Variants in NMT1 observed in about 807,000 individuals in gnomAD.
NMT1 encodes the protein glycylpeptide N-tetradecanoyltransferase 1.
Under a neutral mutation model 63.4 loss-of-function variants are expected in NMT1, and 12 were observed. The observed-to-expected ratio is 0.19, with a 90% CI of 0.12 to 0.31. NMT1 has a LOEUF of 0.31. Ranked by LOEUF, NMT1 falls within the 10% of genes least tolerant of loss-of-function variation. The pLI is 1.00. For missense variants in NMT1, 432 were observed against 634.6 expected, an observed-to-expected ratio of 0.68 and a Z score of 3.43; for synonymous variants, 228 against 234.3, an observed-to-expected ratio of 0.97 and a Z score of 0.25.
In NMT1 at chr17:45,106,164, G is replaced by A. The variant is rs577172913; in HGVS notation, c.*525G>A. On this transcript the variant is annotated 3_prime_UTR_variant, in exon 12 of 12. Coordinates refer to ENST00000258960, the MANE Select transcript of NMT1 (RefSeq NM_021079.5). ...CTTATCATGGGGAAAAAGAGGATCTGGAGAACCTCATCCAGCTCCCCTTCT... is the reference window on the plus strand; with the variant it reads ...CTTATCATGGGGAAAAAGAGGATCTAGAGAACCTCATCCAGCTCCCCTTCT... The A allele has an allele frequency of 1.3e-5, 2 of 152,622 alleles. No individual in the cohort carries two copies. The highest frequency in any genetic ancestry group is 3.9e-4 in the East Asian group (2 of 5,170). 9.5% of individuals were successfully genotyped at this position (152,622 alleles called of 1,614,324 possible).
intron 1 of NMT1, among the ~76,000 whole-genome samples, chr17:45,067,906 T>G (rs2053913104): frequency 6.6e-6 from 1 of 152,242 alleles, no homozygotes. Context: ...TTGCTGATTT[T>G]TCACATTGTT....
Position 45,105,082 on chromosome 17 carries a change from A to T in NMT1, c.1470+86A>T. 1.3e-6 allele frequency: 2 copies of T among 1,561,848 alleles called. No individual in the cohort carries two copies. The highest frequency in any genetic ancestry group is 1.7e-6 in the Non-Finnish European group (2 of 1,143,088). ...AAACCGGGCCATGGGTTGAGGAGACAGCCGCAGTCTGGGTCCTTGTTACCT... is the reference window on the plus strand; with the variant it reads ...AAACCGGGCCATGGGTTGAGGAGACTGCCGCAGTCTGGGTCCTTGTTACCT... On this transcript the variant is annotated intron_variant, in intron 11 of 11. Coordinates refer to ENST00000258960, the MANE Select transcript of NMT1 (RefSeq NM_021079.5). The surrounding 1 kb of genome is among the most constrained non-coding windows in gnomAD (Gnocchi z 4.2).
At chr17:45,077,655 G>T (rs1410118087) in intron 1 of NMT1, among the ~76,000 whole-genome samples, 1 of 152,164 alleles carries the variant, frequency 6.6e-6, no homozygotes, top group Admixed American at 6.5e-5. Context: ...CTCCCAAAGT[G>T]CTGAGATTAC....
Position 45,098,477 on chromosome 17 carries a change from G to A in NMT1, c.809G>A (p.Arg270Gln), listed in dbSNP as rs2054140490. 1.9e-6 allele frequency: 3 copies of A among 1,614,196 alleles called. No individual in the cohort carries two copies. The highest frequency in any genetic ancestry group is 1.1e-5 in the South Asian group (1 of 91,084). The change falls in exon 7 of 12, where the codon CGG (arginine) becomes CAG (glutamine). Residue 270 changes from arginine (R) to glutamine (Q), a missense_variant. Arg to Gln is a conservative substitution (Grantham distance 43). Coordinates refer to ENST00000258960, the MANE Select transcript of NMT1 (RefSeq NM_021079.5). ...GTTCTGATCCGAGAGATCACCAGGCGGGTTCACCTGGAGGGCATCTTCCAA... is the reference window on the plus strand; with the variant it reads ...GTTCTGATCCGAGAGATCACCAGGCAGGTTCACCTGGAGGGCATCTTCCAA... ...APVLIREITRRVHLEGIFQAV... is the reference protein window; with the variant it reads ...APVLIREITRQVHLEGIFQAV...
intron 1 of NMT1, among the ~76,000 whole-genome samples, chr17:45,076,632 C>T (rs2053979419): frequency 6.6e-6 from 1 of 151,844 alleles, no homozygotes; most frequent in Admixed American, 6.6e-5. Context: ...TGCTTATAAT[C>T]CCAACTACTT....
chr17:45,061,586 A>T, intron 1 of NMT1, 126 bp downstream of exon 1: 1 of 815,798 alleles, frequency 1.2e-6, no homozygotes, highest in Non-Finnish European at 1.9e-6. Flanking sequence ...AGTCACTAGG[A>T]TTCTGCCTGG....
At chr17:45,089,874 G>A (rs2054077178) in intron 3 of NMT1, among the ~76,000 whole-genome samples, 2 of 151,810 alleles carry the variant, frequency 1.3e-5, no homozygotes, top group Admixed American at 6.6e-5. Flanking sequence ...CTAGGCTCAA[G>A]CTGTCCTCCT....
intron 8 of NMT1, 108 bp downstream of exon 8, chr17:45,099,621 G>A (rs1236228338): frequency 1.0e-5 from 8 of 764,248 alleles, no homozygotes; most frequent in Admixed American, 2.1e-5. Context: ...TCTCCTACTG[G>A]AAAAGCGAAC....
At chr17:45,064,802 G>C (rs62065836) in intron 1 of NMT1, among the ~76,000 whole-genome samples, 25,960 of 152,172 alleles carry the variant, frequency 0.17, 2,492 homozygotes, top group Admixed American at 0.23. Context: ...CAGCCTGGGC[G>C]ACAGAGCAAG....
In NMT1 at chr17:45,103,779, C is replaced by A. The variant is rs776660504; in HGVS notation, c.1235C>A (p.Thr412Asn). Residue 412 changes from threonine (T) to asparagine (N), a missense_variant, in exon 10 of 12, where the codon ACC becomes AAC. Transcript: ENST00000258960. The surrounding 1 kb of genome is among the most constrained non-coding windows in gnomAD (Gnocchi z 4.8). Reference sequence around the variant, plus strand: ...CCCTCCACCATCATGAACCATCCAACCCACAAGAGTCTCAAAGCTGCTTAT... The same window carrying A: ...CCCTCCACCATCATGAACCATCCAAACCACAAGAGTCTCAAAGCTGCTTAT... ...TLPSTIMNHP[T>N]HKSLKAAYSF... The A allele has an allele frequency of 6.2e-7, 1 of 1,614,114 alleles. No individual in the cohort carries two copies. The highest frequency in any genetic ancestry group is 2.2e-5 in the East Asian group (1 of 44,896).
intron 3 of NMT1, among the ~76,000 whole-genome samples, chr17:45,088,983 C>T (rs1385710569): frequency 2.6e-5 from 4 of 152,174 alleles, no homozygotes; most frequent in Non-Finnish European, 4.4e-5. Context: ...GCCTTCTGTG[C>T]AGTGTGTGGT....
chr17:45,090,643 C>A (rs1197244261), intron 3 of NMT1, among the ~76,000 whole-genome samples: 2 of 152,122 alleles, frequency 1.3e-5, no homozygotes, highest in Admixed American at 1.3e-4. Context: ...TCTCCGAAGT[C>A]CTTCACAGTT....
chr17:45,068,048 T>G (rs2053914117), intron 1 of NMT1, among the ~76,000 whole-genome samples: 1 of 152,228 alleles, frequency 6.6e-6, no homozygotes, highest in South Asian at 2.1e-4. Flanking sequence ...CTCTTTCTCT[T>G]CAGCTTTTTA....
chr17:45,105,118 C>A lies in NMT1; in HGVS notation c.1470+122C>A. 1 of 1,298,426 alleles carries A rather than the reference C, an allele frequency of 7.7e-7. No individual in the cohort carries two copies. The highest frequency in any genetic ancestry group is 1.1e-6 in the Non-Finnish European group (1 of 938,752). The allele number at this position is 1,298,426 out of a possible 1,614,324, so 80.4% of individuals were successfully genotyped here. A position where few individuals can be genotyped will look rare whatever the true frequency, so the allele number is the denominator to read the frequency against. On this transcript the variant is annotated intron_variant, in intron 11 of 11. Transcript: ENST00000258960. This position sits in a 1 kb window ranked among gnomAD's most constrained non-coding sequence, Gnocchi z 4.2. ...GGGTCCTTGTTACCTCGAGTTGAAC[C>A]TTTGAAAATGCCCTCCCTCTGCTGG... is the stretch of plus-strand genomic sequence containing the variant.
chr17:45,081,673 C>T lies in NMT1; in HGVS notation c.161C>T (p.Ala54Val), dbSNP rs780748535. The T allele has an allele frequency of 5.6e-6, 9 of 1,612,770 alleles. No homozygotes were observed. The highest frequency in any genetic ancestry group is 7.6e-6 in the Non-Finnish European group (9 of 1,179,592). Residue 54 changes from alanine (A) to valine (V), a missense_variant, in exon 2 of 12, where the codon GCC becomes GTC. Ala to Val is a moderately conservative substitution (Grantham distance 64). Transcript: ENST00000258960. ...TTGAGTCCAGCCAATGACACTGGAG[C>T]CAAAAAGAAGAAAAAGAAACAAAAA... is the stretch of plus-strand genomic sequence containing the variant. ...GGLSPANDTG[A>V]KKKKKKQKKK...
chr17:45,071,797 C>T (rs1046564430), intron 1 of NMT1, among the ~76,000 whole-genome samples: 5 of 151,790 alleles, frequency 3.3e-5, no homozygotes, highest in African/African-American at 7.3e-5. Context: ...CAAGCGTGGT[C>T]GTGGGGCACT....
At chr17:45,069,915 T>C (rs1485255989) in intron 1 of NMT1, among the ~76,000 whole-genome samples, 2 of 151,432 alleles carry the variant, frequency 1.3e-5, no homozygotes, top group Non-Finnish European at 2.9e-5. Context: ...GTAGGTGAGA[T>C]TTCTGCCAGC....
intron 1 of NMT1, among the ~76,000 whole-genome samples, chr17:45,075,849 C>T (rs2053974125): frequency 6.6e-6 from 1 of 151,968 alleles, no homozygotes; most frequent in African/African-American, 2.4e-5. Flanking sequence ...GCAGGCAGAT[C>T]ACCTGAAGTC....
chr17:45,089,499 G>A (rs1475703517), intron 3 of NMT1, among the ~76,000 whole-genome samples: 5 of 152,022 alleles, frequency 3.3e-5, no homozygotes, highest in Admixed American at 6.5e-5. Flanking sequence ...CCACCACCAC[G>A]CCCGGCTAAT....
Sources: allele counts gnomAD v4.1 joint callset (sites outside exome capture counted in the v4.1 genomes callset), GRCh38; gene constraint gnomAD v4.1.1; non-coding constraint Gnocchi (gnomAD v3.1); transcripts MANE v1.5; gene names NCBI Gene and HGNC (gene_info 2026-07-23, HGNC 2026-07-21).